Variants in LY86 observed in about 807,000 individuals in gnomAD.
The protein encoded by LY86 is MD-1, RP105-associated.
LY86 carries 20 observed loss-of-function variants against 17.3 expected under a neutral mutation model. That is an observed-to-expected ratio of 1.15 (90% CI 0.81 to 1.68). The LOEUF is 1.68. LY86 is among the 40% of genes most tolerant of loss of function. The pLI, the probability that LY86 is intolerant of heterozygous loss-of-function variation, is 0.00. For missense variants in LY86, 200 were observed against 191.9 expected (o/e 1.04, Z -0.25); for synonymous variants, 74 against 70.6 (o/e 1.05, Z -0.24).
chr6:6,592,371 A>G (rs548973008), intron 1 of LY86, among the ~76,000 whole-genome samples: 17 of 152,364 alleles, frequency 1.1e-4, no homozygotes, highest in African/African-American at 3.6e-4. Flanking sequence ...CCACGGTTAC[A>G]AAAGCCCAGA....
rs59560744 is a variant in LY86, at chr6:6,600,587, C to CA, written c.136+11758dup. On this transcript the variant is annotated intron_variant, in intron 1 of 4. Coordinates refer to ENST00000230568, the MANE Select transcript of LY86 (RefSeq NM_004271.4). Reference sequence around the variant, plus strand: ...CCTGAGAGACAGAGTGAGACTCCATCAAAAAAAAAAAAAAAAAAAAAAAAA... The same window carrying CA: ...CCTGAGAGACAGAGTGAGACTCCATCAAAAAAAAAAAAAAAAAAAAAAAAAA... Among the ~76,000 whole-genome samples the CA allele has an allele frequency of 3.2e-4, 26 of 82,452 alleles. 1 individual carries two copies. The highest frequency in any genetic ancestry group is 7.6e-4 in the East Asian group (2 of 2,636). The allele number at this position is 82,452 out of a possible 152,430, so 54.1% of individuals were successfully genotyped here. A position where few individuals can be genotyped will look rare whatever the true frequency, so the allele number is the denominator to read the frequency against.
intron 3 of LY86, among the ~76,000 whole-genome samples, chr6:6,626,832 A>C (rs1004546517): frequency 2.0e-5 from 3 of 152,142 alleles, no homozygotes; most frequent in African/African-American, 7.2e-5. Context: ...AAACGAAAAA[A>C]AAAAATGAAG....
chr6:6,590,035 T>C (rs139784947), intron 1 of LY86, among the ~76,000 whole-genome samples: 4,207 of 149,372 alleles, frequency 0.028, 79 homozygotes, highest in Middle Eastern at 0.062. Context: ...GCAGAATTGC[T>C]TGAACCCAGG....
chr6:6,609,460 C>T (rs1761277662), intron 1 of LY86, among the ~76,000 whole-genome samples: 1 of 152,182 alleles, frequency 6.6e-6, no homozygotes, highest in African/African-American at 2.4e-5. Context: ...GATTCCACAC[C>T]CTGGAGATAC....
rs76237800 is a variant in LY86, at chr6:6,650,831, T to C, written c.405+1154T>C. ...CACTGAATTTATGTCTTCTATTAAC[T>C]GTGTGTTTGTACCCTTCAACCCACT... is the stretch of plus-strand genomic sequence containing the variant. On this transcript the variant is annotated intron_variant, in intron 4 of 4. Coordinates refer to ENST00000230568, the MANE Select transcript of LY86 (RefSeq NM_004271.4). Among the ~76,000 whole-genome samples the C allele has an allele frequency of 3.5e-3, 536 of 152,326 alleles. 2 individuals are homozygous for C. Among genetic ancestry groups the C allele is most frequent in the African/African-American group, 0.012 (512 of 41,566 alleles).
At chr6:6,646,312 C>T (rs1762106196) in intron 3 of LY86, among the ~76,000 whole-genome samples, 1 of 152,174 alleles carries the variant, frequency 6.6e-6, no homozygotes, top group Non-Finnish European at 1.5e-5. Context: ...GTGCTCTTAG[C>T]CACGATGCTT....
chr6:6,597,131 C>A (rs149691921), intron 1 of LY86, among the ~76,000 whole-genome samples: 41 of 152,272 alleles, frequency 2.7e-4, no homozygotes, highest in Middle Eastern at 3.4e-3. Context: ...AAAGCAGCAG[C>A]GATTGTGAGG....
At chr6:6,589,597 A>T (rs1439507678) in intron 1 of LY86, among the ~76,000 whole-genome samples, 13 of 152,156 alleles carry the variant, frequency 8.5e-5, no homozygotes. Context: ...ACAAACCACC[A>T]CAGGCTGGGG....
chr6:6,641,778 A>G (rs1762044085), intron 3 of LY86, among the ~76,000 whole-genome samples: 1 of 152,180 alleles, frequency 6.6e-6, no homozygotes. Context: ...AGTTTGGGGT[A>G]CCCCCAAGTA....
At chr6:6,605,847 C>T (rs533068546) in intron 1 of LY86, among the ~76,000 whole-genome samples, 4 of 152,022 alleles carry the variant, frequency 2.6e-5, no homozygotes, top group Admixed American at 1.3e-4. Context: ...AATGTTACAG[C>T]TCTTAAGGGG....
intron 1 of LY86, among the ~76,000 whole-genome samples, chr6:6,613,487 C>T (rs1051580675): frequency 6.6e-6 from 1 of 152,216 alleles, no homozygotes; most frequent in African/African-American, 2.4e-5. Context: ...AGCTGCTGGC[C>T]CAGGTGCTAA....
At chr6:6,633,020 C>T in intron 3 of LY86, among the ~76,000 whole-genome samples, 1 of 152,222 alleles carries the variant, frequency 6.6e-6, no homozygotes, top group East Asian at 1.9e-4. Context: ...TTGATGTCCA[C>T]TCTCAATGAG....
At chr6:6,595,369 AAAG>A (rs905575437) in intron 1 of LY86, among the ~76,000 whole-genome samples, 2 of 62,794 alleles carry the variant, frequency 3.2e-5, no homozygotes, top group African/African-American at 7.4e-5. Context: ...AGGGGAGAAG[AAAG>A]AAGAGAGGGG....
chr6:6,606,725 G>A (rs990677482), intron 1 of LY86, among the ~76,000 whole-genome samples: 12 of 152,324 alleles, frequency 7.9e-5, no homozygotes, highest in Non-Finnish European at 1.8e-4. Context: ...GCACTTGCGG[G>A]GCCCGCTGAG....
intron 1 of LY86, among the ~76,000 whole-genome samples, chr6:6,603,352 G>T (rs922677885): frequency 9.8e-6 from 1 of 101,970 alleles, no homozygotes; most frequent in African/African-American, 3.9e-5. Flanking sequence ...TGGCAAAAGA[G>T]AAACCAAGAC....
At chr6:6,639,872 T>G (rs1561791751) in intron 3 of LY86, among the ~76,000 whole-genome samples, 1 of 152,176 alleles carries the variant, frequency 6.6e-6, no homozygotes, top group Non-Finnish European at 1.5e-5. Context: ...CTGAACTCTG[T>G]GTGCCATGTG....
At position 6,612,000 on chromosome 6, in the gene LY86, A is replaced by ACACTGAGTACTGAG. The variant is rs1554124567; in HGVS notation, c.137-12922_137-12921insGAGTACTGAGCACT. ...ATCTACCCCCTTAACTGAGTACTGAACACTATGAAAATAATCTTTGTGGTC... is the reference window on the plus strand; with the variant it reads ...ATCTACCCCCTTAACTGAGTACTGAACACTGAGTACTGAGCACTATGAAAATAATCTTTGTGGTC... On this transcript the variant is annotated intron_variant, in intron 1 of 4. Coordinates refer to ENST00000230568, the MANE Select transcript of LY86 (RefSeq NM_004271.4). Among the ~76,000 whole-genome samples, 148 of 151,820 alleles carry ACACTGAGTACTGAG rather than the reference A, an allele frequency of 9.7e-4. 2 individuals carry two copies. Among genetic ancestry groups the ACACTGAGTACTGAG allele is most frequent in the African/African-American group, 3.4e-3 (139 of 41,376 alleles).
At chr6:6,602,098 C>G (rs1760928549) in intron 1 of LY86, among the ~76,000 whole-genome samples, 1 of 152,244 alleles carries the variant, frequency 6.6e-6, no homozygotes, top group Non-Finnish European at 1.5e-5. Flanking sequence ...ACTCAAAGCA[C>G]TTCCAGGAAA....
chr6:6,605,027 T>A (rs2326807), intron 1 of LY86, among the ~76,000 whole-genome samples: 1 of 151,120 alleles, frequency 6.6e-6, no homozygotes, highest in South Asian at 2.1e-4. Context: ...GTAAAAGACT[T>A]TGGAGAAAAA....
Sources: allele counts gnomAD v4.1 joint callset (sites outside exome capture counted in the v4.1 genomes callset), GRCh38; gene constraint gnomAD v4.1.1; transcripts MANE v1.5; gene names NCBI Gene and HGNC (gene_info 2026-07-23, HGNC 2026-07-21).